ADGRL3: variants seen among roughly 807,000 people sequenced by gnomAD.
ADGRL3 encodes adhesion G protein-coupled receptor L3, also known as calcium-independent alpha-latrotoxin receptor 3.
Under a neutral mutation model 153.5 loss-of-function variants are expected in ADGRL3, and 62 were observed. The ratio of observed to expected loss-of-function variants is 0.40; its 90% CI spans 0.33 to 0.50. The LOEUF (loss-of-function observed/expected upper bound fraction) is 0.50, where lower values mean the gene tolerates loss of function less well. ADGRL3 is among the 20% of genes least tolerant of loss of function. The pLI, the probability that ADGRL3 is intolerant of heterozygous loss-of-function variation, is 0.47. For synonymous variants in ADGRL3, 710 were observed against 672.5 expected (o/e 1.06, Z -0.86); for missense variants, 1,641 against 1,859.4 (o/e 0.88, Z 2.16).
At chr4:61,415,232 GATTT>G (rs1330433254) in intron 2 of ADGRL3, among the ~76,000 whole-genome samples, 1 of 151,664 alleles carries the variant, frequency 6.6e-6, no homozygotes, top group Non-Finnish European at 1.5e-5. Flanking sequence ...TAAAACACTA[GATTT>G]ATTTATTAAA....
At chr4:62,000,349 T>G (rs2099135801) in intron 21 of ADGRL3, among the ~76,000 whole-genome samples, 1 of 151,990 alleles carries the variant, frequency 6.6e-6, no homozygotes, top group Admixed American at 6.6e-5. Flanking sequence ...TATTTAGTAC[T>G]GTCACATAGT....
chr4:61,609,455 C>T (rs1349431042), intron 5 of ADGRL3, among the ~76,000 whole-genome samples: 1 of 152,016 alleles, frequency 6.6e-6, no homozygotes, highest in African/African-American at 2.4e-5. Flanking sequence ...GATTAATTTT[C>T]ATGGCTATTA....
At chr4:61,286,128 A>G (rs1467843136) in intron 1 of ADGRL3, among the ~76,000 whole-genome samples, 2 of 151,552 alleles carry the variant, frequency 1.3e-5, no homozygotes, top group Admixed American at 1.3e-4. Flanking sequence ...TATAAAATTA[A>G]TCCTTTTTGT....
intron 21 of ADGRL3, among the ~76,000 whole-genome samples, chr4:62,017,839 C>T (rs2099219763): frequency 6.6e-6 from 1 of 152,030 alleles, no homozygotes; most frequent in Admixed American, 6.6e-5. Context: ...CTTTGTTGAG[C>T]ATTTAATGTG....
intron 8 of ADGRL3, among the ~76,000 whole-genome samples, chr4:61,740,387 G>A (rs1285314116): frequency 6.6e-6 from 1 of 152,088 alleles, no homozygotes; most frequent in Non-Finnish European, 1.5e-5. Flanking sequence ...CTGGTGGGAG[G>A]GGGTCAGATA....
intron 9 of ADGRL3, among the ~76,000 whole-genome samples, chr4:61,878,405 GT>G (rs2098488711): frequency 6.6e-6 from 1 of 152,140 alleles, no homozygotes; most frequent in Non-Finnish European, 1.5e-5. Context: ...ATCAGTGTTT[GT>G]TTTTTGGGTT....
At chr4:61,330,753 C>G (rs1461474129) in intron 1 of ADGRL3, among the ~76,000 whole-genome samples, 1 of 152,160 alleles carries the variant, frequency 6.6e-6, no homozygotes, top group Non-Finnish European at 1.5e-5. Context: ...GTTGCCCCTG[C>G]TGGCTGGAGT....
chr4:61,735,473 G>GT (rs2096496357), intron 8 of ADGRL3, among the ~76,000 whole-genome samples: 1 of 152,146 alleles, frequency 6.6e-6, no homozygotes, highest in Non-Finnish European at 1.5e-5. Flanking sequence ...AAGGTTTTTT[G>GT]TTTGTTTTTT....
chr4:61,432,638 CTTTCTTTCTTTCTTTCTTT>C (rs2097380963), intron 2 of ADGRL3, among the ~76,000 whole-genome samples: 13 of 23,938 alleles, frequency 5.4e-4, no homozygotes, highest in East Asian at 2.0e-3. Context: ...TTCTTTCTTT[CTTTCTTTCTTTCTTTCTTT>C]TTTTTTTTTT....
At chr4:62,024,924 C>T (rs1364317620) in intron 21 of ADGRL3, among the ~76,000 whole-genome samples, 7 of 73,014 alleles carry the variant, frequency 9.6e-5, no homozygotes, top group South Asian at 6.5e-4. Flanking sequence ...TGTGAGACTC[C>T]GTCTCAAAAA....
chr4:61,372,969 C>T (rs796497666), intron 1 of ADGRL3, among the ~76,000 whole-genome samples: 8 of 152,282 alleles, frequency 5.3e-5, no homozygotes, highest in East Asian at 3.9e-4. Context: ...GCGCAGTATT[C>T]GGGTGGGAGT....
intron 13 of ADGRL3, among the ~76,000 whole-genome samples, chr4:61,916,051 T>G (rs913371347): frequency 9.2e-5 from 14 of 152,224 alleles, no homozygotes; most frequent in Non-Finnish European, 1.0e-4. Flanking sequence ...ATCTTTTGTA[T>G]GTTCTGACTT....
At chr4:61,355,609 T>G (rs556003374) in intron 1 of ADGRL3, among the ~76,000 whole-genome samples, 1 of 144,964 alleles carries the variant, frequency 6.9e-6, no homozygotes, top group Admixed American at 6.7e-5. Context: ...GACAGACATG[T>G]GACTGAGCCC....
At chr4:61,249,738 G>A (rs72633443) in intron 1 of ADGRL3, among the ~76,000 whole-genome samples, 18,213 of 152,156 alleles carry the variant, frequency 0.12, 1,193 homozygotes, top group Middle Eastern at 0.18. Flanking sequence ...TTGAAAAGGA[G>A]AGAATGGATA....
intron 4 of ADGRL3, among the ~76,000 whole-genome samples, chr4:61,580,504 A>C (rs1459424344): frequency 6.6e-6 from 1 of 152,080 alleles, no homozygotes; most frequent in African/African-American, 2.4e-5. Context: ...ACATTCTTTC[A>C]GGCTTGGTTC....
At chr4:61,707,712 A>G (rs2095879491) in intron 6 of ADGRL3, among the ~76,000 whole-genome samples, 2 of 152,204 alleles carry the variant, frequency 1.3e-5, no homozygotes, top group African/African-American at 2.4e-5. Flanking sequence ...CAAATGAAGA[A>G]GAAGTAAAAG....
chr4:61,985,005 T>A (rs77005384), intron 19 of ADGRL3, among the ~76,000 whole-genome samples: 3 of 151,970 alleles, frequency 2.0e-5, no homozygotes, highest in East Asian at 3.9e-4. Flanking sequence ...AGAGAGAAAA[T>A]TCCTTATAGT....
chr4:61,652,630 T>TG (rs768049618), intron 5 of ADGRL3, among the ~76,000 whole-genome samples: 5 of 152,212 alleles, frequency 3.3e-5, no homozygotes, highest in Non-Finnish European at 7.3e-5. Context: ...AGCCATATTA[T>TG]GGTGTATATT....
chr4:62,051,724 T>G (rs1338531119), intron 25 of ADGRL3, among the ~76,000 whole-genome samples: 1 of 151,764 alleles, frequency 6.6e-6, no homozygotes, highest in East Asian at 1.9e-4. Context: ...TCACGTTTTT[T>G]GATTTATTAC....
Sources: allele counts gnomAD v4.1 joint callset (sites outside exome capture counted in the v4.1 genomes callset), GRCh38; gene constraint gnomAD v4.1.1; transcripts MANE v1.5; gene names NCBI Gene and HGNC (gene_info 2026-07-23, HGNC 2026-07-21).